CCDC171: variants seen among roughly 807,000 people sequenced by gnomAD.
The protein encoded by CCDC171 is coiled-coil domain-containing protein 171.
In CCDC171, 177 loss-of-function variants were observed where a neutral mutation model predicts 168.2. The observed-to-expected ratio is 1.05, with a 90% CI of 0.93 to 1.19. The LOEUF is 1.19. CCDC171 is among the 50% of genes most tolerant of loss of function. CCDC171 has a pLI of 0.00. For synonymous variants in CCDC171, 687 were observed against 540.8 expected (o/e 1.27, Z -3.75); for missense variants, 1,991 against 1,539.0 (o/e 1.29, Z -4.91).
At chr9:15,683,782 A>G (rs1339461765) in intron 10 of CCDC171, among the ~76,000 whole-genome samples, 4 of 152,054 alleles carry the variant, frequency 2.6e-5, no homozygotes, top group African/African-American at 9.7e-5. Context: ...GGTATTGTGT[A>G]TGTATGTGTG....
the CCDC171 span, among the ~76,000 whole-genome samples, chr9:16,096,885 TACC>T: frequency 6.6e-6 from 1 of 152,142 alleles, no homozygotes; most frequent in Admixed American, 6.5e-5. Flanking sequence ...AATTTGAGCA[TACC>T]ACCTGTTTCC....
At chr9:15,936,561 G>A (rs1827143725) in intron 25 of CCDC171, among the ~76,000 whole-genome samples, 1 of 151,944 alleles carries the variant, frequency 6.6e-6, no homozygotes, top group African/African-American at 2.4e-5. Context: ...GGCTGGTCAA[G>A]GCATGAACAC....
chr9:15,770,301 A>G (rs768277298), intron 18 of CCDC171, among the ~76,000 whole-genome samples: 13 of 152,204 alleles, frequency 8.5e-5, no homozygotes, highest in Non-Finnish European at 1.8e-4. Context: ...CTTCTAAAAA[A>G]CTATCTTTAT....
intron 7 of CCDC171, among the ~76,000 whole-genome samples, chr9:15,651,458 T>G (rs906950007): frequency 7.9e-5 from 12 of 151,726 alleles, no homozygotes; most frequent in Admixed American, 3.9e-4. Flanking sequence ...TTTATAGAGA[T>G]TTTGCTCAGA....
At chr9:16,007,850 T>G (rs1832752515) in intron 3 of CCDC171, among the ~76,000 whole-genome samples, 1 of 152,224 alleles carries the variant, frequency 6.6e-6, no homozygotes, top group Admixed American at 6.5e-5. Context: ...TAGTATAGTT[T>G]GAAGTCAGGT....
At chr9:15,827,999 G>GA (rs1210967852) in intron 21 of CCDC171, among the ~76,000 whole-genome samples, 1 of 152,088 alleles carries the variant, frequency 6.6e-6, no homozygotes, top group African/African-American at 2.4e-5. Flanking sequence ...TCAATAGTAG[G>GA]ATTTCATGAC....
chr9:16,062,958 C>T (rs1036462366), downstream of CCDC171, among the ~76,000 whole-genome samples: 2 of 152,032 alleles, frequency 1.3e-5, no homozygotes, highest in Admixed American at 1.3e-4. Flanking sequence ...ATAGTGAAAC[C>T]GAAGATGGGG....
chr9:15,684,846 C>G (rs887568230), intron 10 of CCDC171, among the ~76,000 whole-genome samples: 3 of 152,140 alleles, frequency 2.0e-5, no homozygotes, highest in African/African-American at 7.2e-5. Flanking sequence ...ACAACATTTT[C>G]TGAACTTTCT....
chr9:15,624,530 T>TC (rs2044871681), intron 7 of CCDC171, among the ~76,000 whole-genome samples: 1 of 152,142 alleles, frequency 6.6e-6, no homozygotes, highest in Non-Finnish European at 1.5e-5. Context: ...TTCTCATTGT[T>TC]CAATTCTCAC....
Position 15,727,986 on chromosome 9 carries a change from C to G in CCDC171, c.1810C>G (p.Gln604Glu). The G allele has an allele frequency of 1.2e-6, 2 of 1,613,172 alleles. No individual in the cohort carries two copies. The highest frequency in any genetic ancestry group is 8.5e-7 in the Non-Finnish European group (1 of 1,179,528). Residue 604 changes from glutamine (Q) to glutamate (E), a missense_variant, in exon 15 of 26, where the codon CAG becomes GAG. Transcript: ENST00000380701. ...FSWSELCAVLQENVDALIADL... is the reference protein window; with the variant it reads ...FSWSELCAVLEENVDALIADL... ...TTGGTCTGAGCTTTGTGCAGTCTTA[C>G]AGGAGAATGTTGATGCCCTGATTGC...
chr9:15,727,937 A>G lies in CCDC171; in HGVS notation c.1761A>G (p.Pro587=), dbSNP rs756437663. 1.2e-6 allele frequency: 2 copies of G among 1,613,384 alleles called. No homozygotes were observed. Among genetic ancestry groups the G allele is most frequent in the Admixed American group, 1.7e-5 (1 of 59,932 alleles). The change falls in exon 15 of 26, where the codon CCA becomes CCG. Residue 587 remains proline, a synonymous_variant. Transcript: ENST00000380701. ...CAGGCTGTGTGCTCATAAAACAACC[A>G]GAAGGCATGCTGGATAAATTCTCTT... The part of the protein sequence containing the change: ...LVAGCVLIKQ[P]EGMLDKFSWS...
In CCDC171 at chr9:15,821,102, T is replaced by A. The variant is rs1300722449; in HGVS notation, c.3268-25600T>A. ...GACAAAAATCACATGATTATCTCAATAGATGCAGAAAAGGCCTTTGACAAA... is the reference window on the plus strand; with the variant it reads ...GACAAAAATCACATGATTATCTCAAAAGATGCAGAAAAGGCCTTTGACAAA... On this transcript the variant is annotated intron_variant, in intron 21 of 25. Coordinates refer to ENST00000380701, the MANE Select transcript of CCDC171 (RefSeq NM_173550.4). Among the ~76,000 whole-genome samples, 14 of 117,210 alleles carry A rather than the reference T, an allele frequency of 1.2e-4. 4 individuals are homozygous for A. The highest frequency in any genetic ancestry group is 2.1e-4 in the Non-Finnish European group (11 of 52,230). 76.9% of individuals were successfully genotyped at this position (117,210 alleles called of 152,430 possible).
At chr9:15,616,563 A>G (rs2131945886) in intron 6 of CCDC171, among the ~76,000 whole-genome samples, 1 of 152,306 alleles carries the variant, frequency 6.6e-6, no homozygotes, top group Non-Finnish European at 1.5e-5. Flanking sequence ...ATGGTTAACC[A>G]TGTAAATTGC....
chr9:15,919,566 T>C (rs1825020597), intron 24 of CCDC171, among the ~76,000 whole-genome samples: 1 of 151,618 alleles, frequency 6.6e-6, no homozygotes, highest in Non-Finnish European at 1.5e-5. Flanking sequence ...CATAATAGTA[T>C]CCTGGACTTA....
At chr9:16,104,378 C>A in the CCDC171 span, among the ~76,000 whole-genome samples, 1 of 152,108 alleles carries the variant, frequency 6.6e-6, no homozygotes, top group Non-Finnish European at 1.5e-5. Context: ...GTGGTCTGTG[C>A]TGCTGCATAC....
intron 23 of CCDC171, among the ~76,000 whole-genome samples, chr9:15,851,512 A>G (rs973082225): frequency 1.3e-5 from 2 of 151,834 alleles, no homozygotes; most frequent in Non-Finnish European, 2.9e-5. Flanking sequence ...CATGAGGTAC[A>G]TTTTTTAAAA....
chr9:16,108,054 G>A, the CCDC171 span, among the ~76,000 whole-genome samples: 1 of 152,220 alleles, frequency 6.6e-6, no homozygotes, highest in Admixed American at 6.5e-5. Context: ...AGGGTCAGCG[G>A]TATAAACTTC....
intron 24 of CCDC171, among the ~76,000 whole-genome samples, chr9:15,911,606 C>T (rs576119524): frequency 6.6e-6 from 1 of 152,086 alleles, no homozygotes; most frequent in East Asian, 1.9e-4. Context: ...GTGTTTTAGT[C>T]ATGAAGTCTT....
intron 24 of CCDC171, among the ~76,000 whole-genome samples, chr9:15,882,512 G>T (rs554536145): frequency 2.6e-5 from 4 of 152,152 alleles, no homozygotes; most frequent in African/African-American, 9.6e-5. Flanking sequence ...GAAAATCTTT[G>T]CCCAGATCAG....
Sources: gnomAD v4.1 joint callset for allele counts (sites outside exome capture counted in the v4.1 genomes callset) on GRCh38, gnomAD v4.1.1 for gene constraint, MANE v1.5 for transcripts, NCBI Gene and HGNC (gene_info 2026-07-23, HGNC 2026-07-21) for gene names.